The following OPCML variants were observed in gnomAD, a reference collection of about 807,000 sequenced individuals.
The protein encoded by OPCML is opioid binding protein/cell adhesion molecule like.
A neutral mutation model predicts 37.8 loss-of-function variants in OPCML; 13 were observed. The observed-to-expected ratio is 0.34, with a 90% CI of 0.22 to 0.55. The LOEUF is 0.55. Among genes scored for constraint, OPCML ranks in the 20% least tolerant of loss-of-function variants. The pLI, the probability that OPCML is intolerant of heterozygous loss-of-function variation, is 0.91. For synonymous variants in OPCML, 176 were observed against 168.8 expected, an observed-to-expected ratio of 1.04 and a Z score of -0.33; for missense variants, 341 against 435.6, an observed-to-expected ratio of 0.78 and a Z score of 1.93.
intron 1 of OPCML, chr11:133,362,053 C>CGGGGCTGCGGGCGTTGTCCCT (rs1437479265): frequency 6.6e-6 from 1 of 152,240 alleles, no homozygotes; most frequent in African/African-American, 2.4e-5. Context: ...GGAAGGAGGT[C>CGGGGCTGCGGGCGTTGTCCCT]GGGGCTGCGG....
At chr11:132,710,688 C>CAAA (rs11340177) in intron 2 of OPCML, among the ~76,000 whole-genome samples, 39 of 135,324 alleles carry the variant, frequency 2.9e-4, no homozygotes, top group African/African-American at 9.8e-4. Context: ...CTAAAAAATA[C>CAAA]AAAAAAAAAA....
intron 2 of OPCML, among the ~76,000 whole-genome samples, chr11:132,791,710 G>A (rs528244313): frequency 6.6e-6 from 1 of 152,286 alleles, no homozygotes; most frequent in East Asian, 1.9e-4. Context: ...AATAGGCACA[G>A]CTTCCCCCCA....
At chr11:132,819,568 C>G (rs984178078) in intron 2 of OPCML, among the ~76,000 whole-genome samples, 1 of 151,990 alleles carries the variant, frequency 6.6e-6, no homozygotes. Context: ...AGATCATAGC[C>G]AAATTAAAAA....
intron 1 of OPCML, among the ~76,000 whole-genome samples, chr11:133,378,676 T>TTTTC (rs778751250): frequency 2.0e-5 from 3 of 151,994 alleles, no homozygotes; most frequent in African/African-American, 2.4e-5. Flanking sequence ...CTTTCTTTTC[T>TTTTC]TTTCTTTCTT....
At chr11:132,856,189 C>T (rs1396824737) in intron 2 of OPCML, among the ~76,000 whole-genome samples, 1 of 152,172 alleles carries the variant, frequency 6.6e-6, no homozygotes. Context: ...AACTAGTTCT[C>T]AGTTTCAGCA....
chr11:132,571,172 T>C (rs1012694296), intron 3 of OPCML, among the ~76,000 whole-genome samples: 1 of 152,036 alleles, frequency 6.6e-6, no homozygotes, highest in African/African-American at 2.4e-5. Context: ...TCAGGTTCTT[T>C]GGCCTTTGGA....
At chr11:132,950,994 A>G (rs1043044419) in intron 1 of OPCML, among the ~76,000 whole-genome samples, 1 of 152,054 alleles carries the variant, frequency 6.6e-6, no homozygotes, top group African/African-American at 2.4e-5. Context: ...TGCTGTGATC[A>G]CCTGCTGTGA....
intron 1 of OPCML, among the ~76,000 whole-genome samples, chr11:133,526,237 C>T (rs1948488230): frequency 6.6e-6 from 1 of 152,194 alleles, no homozygotes; most frequent in South Asian, 2.1e-4. Context: ...CCGTGTCTGG[C>T]ACAGGCAGCC....
intron 2 of OPCML, among the ~76,000 whole-genome samples, chr11:132,851,586 C>T (rs966873644): frequency 3.9e-5 from 6 of 152,126 alleles, no homozygotes; most frequent in African/African-American, 1.4e-4. Flanking sequence ...TAACAGCACA[C>T]AGGAAATTAA....
At chr11:132,507,689 A>C (rs987804652) in intron 4 of OPCML, among the ~76,000 whole-genome samples, 1 of 144,076 alleles carries the variant, frequency 6.9e-6, no homozygotes, top group African/African-American at 2.5e-5. Flanking sequence ...TAAGGAATAT[A>C]ATTTTTAATT....
intron 1 of OPCML, among the ~76,000 whole-genome samples, chr11:133,125,584 T>C (rs1949488325): frequency 6.8e-6 from 1 of 147,294 alleles, no homozygotes; most frequent in South Asian, 2.1e-4. Context: ...TATAGACACA[T>C]GTATATATAT....
intron 2 of OPCML, among the ~76,000 whole-genome samples, chr11:132,779,322 G>T (rs902500578): frequency 1.3e-5 from 2 of 152,168 alleles, no homozygotes; most frequent in South Asian, 4.1e-4. Context: ...TCCCAGTAAA[G>T]GATCTGAAGA....
At chr11:132,969,950 C>A (rs1946303823) in intron 1 of OPCML, among the ~76,000 whole-genome samples, 1 of 151,890 alleles carries the variant, frequency 6.6e-6, no homozygotes, top group African/African-American at 2.4e-5. Flanking sequence ...GTATTTTTTT[C>A]TTCTGAAAAG....
intron 2 of OPCML, among the ~76,000 whole-genome samples, chr11:132,856,016 C>CAA (rs1241230286): frequency 6.6e-6 from 1 of 152,096 alleles, no homozygotes; most frequent in Non-Finnish European, 1.5e-5. Flanking sequence ...GATTCCATTT[C>CAA]AAAAATCGGT....
intron 1 of OPCML, among the ~76,000 whole-genome samples, chr11:133,502,329 C>A (rs1323424361): frequency 6.6e-6 from 1 of 152,216 alleles, no homozygotes; most frequent in East Asian, 1.9e-4. Context: ...CAGACAGAGG[C>A]AGGGTGGCAG....
chr11:133,008,974 A>G, intron 1 of OPCML: 8 of 985,478 alleles, frequency 8.1e-6, no homozygotes, highest in Non-Finnish European at 9.6e-6. Flanking sequence ...TGAGGAGATT[A>G]GCATGGACAT....
At chr11:132,649,356 G>A (rs7938158) in intron 3 of OPCML, among the ~76,000 whole-genome samples, 15,002 of 152,144 alleles carry the variant, frequency 0.099, 1,406 homozygotes, top group African/African-American at 0.25. Context: ...TCTAGGAGAC[G>A]CGTGAAGGTC....
chr11:133,026,182 G>A (rs1947551030), intron 1 of OPCML: 1 of 738,260 alleles, frequency 1.4e-6, no homozygotes, highest in Non-Finnish European at 1.7e-6. Flanking sequence ...CCTTAATCAC[G>A]ATGAAGCTTT....
chr11:132,519,334 G>A (rs779563890), intron 4 of OPCML, among the ~76,000 whole-genome samples: 14 of 151,980 alleles, frequency 9.2e-5, no homozygotes, highest in Non-Finnish European at 1.6e-4. Flanking sequence ...TAGCACTCCG[G>A]AGTTTGGGTC....
Sources: gnomAD v4.1 joint callset for allele counts (sites outside exome capture counted in the v4.1 genomes callset) on GRCh38, gnomAD v4.1.1 for gene constraint, MANE v1.5 for transcripts, NCBI Gene and HGNC (gene_info 2026-07-23, HGNC 2026-07-21) for gene names.